Variants in GRIA2 observed in about 807,000 individuals in gnomAD.
GRIA2 encodes the protein glutamate ionotropic receptor AMPA type subunit 2.
Under a neutral mutation model 97.3 loss-of-function variants are expected in GRIA2, and 14 were observed. The ratio of observed to expected loss-of-function variants is 0.14; its 90% CI spans 0.10 to 0.23. The LOEUF (loss-of-function observed/expected upper bound fraction) is 0.23. GRIA2 is among the 10% of genes least tolerant of loss of function. The probability of loss-of-function intolerance (pLI) is 1.00; values close to 1 mark genes in which losing one functional copy is unlikely to be tolerated. For missense variants in GRIA2, 558 were observed against 1,069.8 expected (o/e 0.52, Z 6.67); for synonymous variants, 412 against 387.8 (o/e 1.06, Z -0.73).
At chr4:157,331,435 A>G (rs1403768669) in intron 6 of GRIA2, among the ~76,000 whole-genome samples, 1 of 152,018 alleles carries the variant, frequency 6.6e-6, no homozygotes, top group Non-Finnish European at 1.5e-5. Context: ...ATATTTTAAA[A>G]TATTTGACTT....
Position 157,341,256 on chromosome 4 carries a change from G to T in GRIA2, c.1845-8G>T, listed in dbSNP as rs778138800. The T allele has an allele frequency of 1.9e-6, 3 of 1,595,440 alleles. No individual in the cohort carries two copies. The highest frequency in any genetic ancestry group is 2.6e-6 in the Non-Finnish European group (3 of 1,163,574). On this transcript the variant is annotated splice_region_variant and splice_polypyrimidine_tract_variant and intron_variant, in intron 11 of 15. Transcript: ENST00000264426. ...CACTTTACAAATCCATTTCATACTTGTTATTAGATCCCTCTCTGGGCGCAT... is the reference window on the plus strand; with the variant it reads ...CACTTTACAAATCCATTTCATACTTTTTATTAGATCCCTCTCTGGGCGCAT...
At chr4:157,323,429 A>G (rs1734673077) in intron 6 of GRIA2, among the ~76,000 whole-genome samples, 1 of 150,144 alleles carries the variant, frequency 6.7e-6, no homozygotes, top group African/African-American at 2.5e-5. Flanking sequence ...AGGTAGATGG[A>G]TACCCAGAGC....
chr4:157,227,885 A>AT (rs1729818707), intron 2 of GRIA2, among the ~76,000 whole-genome samples: 1 of 152,180 alleles, frequency 6.6e-6, no homozygotes, highest in South Asian at 2.1e-4. Context: ...ATCACACATG[A>AT]TTTGAAAATG....
At chr4:157,327,138 T>C (rs1734838885) in intron 6 of GRIA2, among the ~76,000 whole-genome samples, 1 of 152,186 alleles carries the variant, frequency 6.6e-6, no homozygotes, top group African/African-American at 2.4e-5. Flanking sequence ...AAGAGATATT[T>C]GTGGGTTAGA....
At chr4:157,273,294 A>C (rs1732118881) in intron 2 of GRIA2, among the ~76,000 whole-genome samples, 1 of 152,034 alleles carries the variant, frequency 6.6e-6, no homozygotes, top group Non-Finnish European at 1.5e-5. Context: ...ATGGAGAACT[A>C]TATTTACGGT....
intron 12 of GRIA2, among the ~76,000 whole-genome samples, chr4:157,348,020 G>A (rs1337304407): frequency 1.3e-5 from 2 of 151,936 alleles, no homozygotes; most frequent in Non-Finnish European, 2.9e-5. Context: ...GGAGGCTGAG[G>A]CAGGACAATA....
chr4:157,330,007 T>C (rs1177362329), intron 6 of GRIA2, among the ~76,000 whole-genome samples: 1 of 151,882 alleles, frequency 6.6e-6, no homozygotes, highest in Admixed American at 6.6e-5. Flanking sequence ...ACCTATAGAA[T>C]TGGAATAAAA....
At chr4:157,355,981 TTATATATTTA>T (rs374158516) in intron 12 of GRIA2, among the ~76,000 whole-genome samples, 1 of 74,018 alleles carries the variant, frequency 1.4e-5, no homozygotes, top group Non-Finnish European at 2.5e-5. Context: ...ATATATATAT[TTATATATTTA>T]TATATATTTA....
At chr4:157,250,965 A>C (rs560259407) in intron 2 of GRIA2, among the ~76,000 whole-genome samples, 208 of 152,080 alleles carry the variant, frequency 1.4e-3, no homozygotes, top group African/African-American at 4.8e-3. Flanking sequence ...TTTCTGCCCT[A>C]TTGCTCTGTT....
chr4:157,240,271 C>T (rs1026886181), intron 2 of GRIA2, among the ~76,000 whole-genome samples: 31 of 152,042 alleles, frequency 2.0e-4, no homozygotes, highest in African/African-American at 6.3e-4. Context: ...TCATGATATC[C>T]GTAATATTTT....
chr4:157,342,304 G>C, intron 12 of GRIA2: 4 of 984,836 alleles, frequency 4.1e-6, no homozygotes, highest in Non-Finnish European at 4.8e-6. Context: ...ATCAAAATTT[G>C]AAGACTATCT....
intron 9 of GRIA2, 55 bp from the exon 10 acceptor site, chr4:157,335,616 A>G: frequency 2.0e-6 from 2 of 1,014,876 alleles, no homozygotes; most frequent in South Asian, 1.3e-5. Flanking sequence ...ATTCAATGAG[A>G]GTACATAATT....
chr4:157,358,126 A>T (rs1350769039), intron 12 of GRIA2, among the ~76,000 whole-genome samples: 1 of 152,140 alleles, frequency 6.6e-6, no homozygotes, highest in Non-Finnish European at 1.5e-5. Context: ...AAAAACTTTG[A>T]GGTTTAGCCA....
At chr4:157,229,262 C>A (rs190467204) in intron 2 of GRIA2, among the ~76,000 whole-genome samples, 1 of 151,988 alleles carries the variant, frequency 6.6e-6, no homozygotes, top group African/African-American at 2.4e-5. Context: ...TGTTTTCTAA[C>A]GATTTTGTTT....
At chr4:157,289,980 G>A (rs1015941274) in intron 2 of GRIA2, among the ~76,000 whole-genome samples, 2 of 151,748 alleles carry the variant, frequency 1.3e-5, no homozygotes, top group Non-Finnish European at 2.9e-5. Flanking sequence ...GTCACTATCT[G>A]TGTTAACTTG....
At chr4:157,315,798 C>A (rs1378837709) in intron 4 of GRIA2, among the ~76,000 whole-genome samples, 1 of 152,126 alleles carries the variant, frequency 6.6e-6, no homozygotes, top group African/African-American at 2.4e-5. Flanking sequence ...CTTGGCCTCC[C>A]AAAGTGCTGG....
intron 4 of GRIA2, among the ~76,000 whole-genome samples, chr4:157,313,363 G>A (rs1229376562): frequency 6.6e-6 from 1 of 151,930 alleles, no homozygotes; most frequent in Non-Finnish European, 1.5e-5. Flanking sequence ...AGGGACTTGT[G>A]CCACTATAAA....
At chr4:157,249,173 T>A (rs944160724) in intron 2 of GRIA2, among the ~76,000 whole-genome samples, 2 of 152,070 alleles carry the variant, frequency 1.3e-5, no homozygotes, top group South Asian at 4.1e-4. Flanking sequence ...CTAGACGCAG[T>A]GCTGAGGGAT....
At chr4:157,273,973 A>T (rs1315673492) in intron 2 of GRIA2, among the ~76,000 whole-genome samples, 1 of 152,104 alleles carries the variant, frequency 6.6e-6, no homozygotes, top group East Asian at 1.9e-4. Flanking sequence ...ATAAACATAC[A>T]TGGGAAAAAT....
Sources: gnomAD v4.1 joint callset for allele counts (sites outside exome capture counted in the v4.1 genomes callset) on GRCh38, gnomAD v4.1.1 for gene constraint, MANE v1.5 for transcripts, NCBI Gene and HGNC (gene_info 2026-07-23, HGNC 2026-07-21) for gene names.